Variants in SYNJ2 observed in about 807,000 individuals in gnomAD.
SYNJ2 encodes synaptojanin 2, also known as polyphosphatidylinositol phosphatase SYNJ2.
SYNJ2 carries 116 observed loss-of-function variants against 141.3 expected under a neutral mutation model. The ratio of observed to expected loss-of-function variants is 0.82; its 90% CI spans 0.71 to 0.96. The LOEUF (loss-of-function observed/expected upper bound fraction) is 0.96, where lower values mean the gene tolerates loss of function less well. SYNJ2 is among the 40% of genes least tolerant of loss of function. The pLI is 0.00. For synonymous variants in SYNJ2, 745 were observed against 777.7 expected (o/e 0.96, Z 0.70); for missense variants, 1,873 against 1,934.8 (o/e 0.97, Z 0.60).
Position 158,074,650 on chromosome 6 carries a change from A to C in SYNJ2, c.2204A>C (p.Tyr735Ser), listed in dbSNP as rs759711239. ...TTCAACTACCGCATTGATCTTACTT[A>C]TGAAGAAGTCTTCTATTTTGTTAAA... Reference protein sequence around the residue: ...GDFNYRIDLTYEEVFYFVKRQ... With the variant: ...GDFNYRIDLTSEEVFYFVKRQ... The change falls in exon 16 of 27, where the codon TAT becomes TCT. Residue 735 changes from tyrosine to serine, a missense_variant. Coordinates refer to ENST00000355585, the MANE Select transcript of SYNJ2 (RefSeq NM_003898.4). 1.9e-6 allele frequency: 3 copies of C among 1,614,158 alleles called. No individual in the cohort carries two copies. The South Asian group carries it at 3.3e-5, about 18-fold the overall frequency.
intron 1 of SYNJ2, among the ~76,000 whole-genome samples, chr6:158,009,734 G>A (rs1012312598): frequency 2.0e-5 from 3 of 152,210 alleles, no homozygotes; most frequent in African/African-American, 4.8e-5. Flanking sequence ...AGTCTGCAGA[G>A]GTGTGCTTCC....
chr6:158,063,608 G>A (rs533757592), intron 8 of SYNJ2, among the ~76,000 whole-genome samples, 183 bp from the exon 9 acceptor site: 3 of 132,828 alleles, frequency 2.3e-5, no homozygotes, highest in Admixed American at 8.6e-5. Context: ...GCAGTGAGCC[G>A]AGATCATGCC....
chr6:158,063,619 A>G (rs1781359658), intron 8 of SYNJ2, among the ~76,000 whole-genome samples, 172 bp from the exon 9 acceptor site: 2 of 127,766 alleles, frequency 1.6e-5, no homozygotes, highest in African/African-American at 5.9e-5. Flanking sequence ...AGATCATGCC[A>G]TTGCACTCCA....
chr6:158,028,957 G>A lies in SYNJ2; in HGVS notation c.416G>A (p.Arg139His), dbSNP rs142094400. The A allele has an allele frequency of 3.6e-5, 58 of 1,613,968 alleles. No homozygotes were observed. Among genetic ancestry groups the A allele is most frequent in the African/African-American group, 3.3e-4 (25 of 74,864 alleles). ...FYFSWPNDGS[R>H]FDLTVRTQKQ... is the part of the protein sequence containing the mutation. ...TTCTCATGGCCAAACGATGGGTCTC[G>A]CTTTGACCTGACTGTCCGCACGCAG... Residue 139 changes from arginine (R) to histidine (H), a missense_variant, in exon 3 of 27, where the codon CGC (arginine) becomes CAC (histidine). Arg to His is a conservative substitution (Grantham distance 29). Transcript: ENST00000355585.
chr6:158,004,940 C>G, intron 1 of SYNJ2, among the ~76,000 whole-genome samples: 1 of 152,084 alleles, frequency 6.6e-6, no homozygotes, highest in East Asian at 1.9e-4. Flanking sequence ...CCCCTCTCCT[C>G]CAGTGAGTGA....
Position 158,095,737 on chromosome 6 carries a change from A to AC in SYNJ2, c.3866dup (p.Arg1290LysfsTer74). ...CCCCTCGAGTCCCTCCTGTTCCCAAACCAAGAACATTTCAGCCTGGGAAAG... is the reference window on the plus strand; with the variant it reads ...CCCCTCGAGTCCCTCCTGTTCCCAAACCCAAGAACATTTCAGCCTGGGAAAG... On this transcript the variant is annotated frameshift_variant, in exon 27 of 27. Coordinates refer to ENST00000355585, the MANE Select transcript of SYNJ2 (RefSeq NM_003898.4). LOFTEE classifies it low-confidence loss of function (END_TRUNC). 6.2e-7 allele frequency: 1 copy of AC among 1,614,032 alleles called. No homozygotes were observed. Among genetic ancestry groups the AC allele is most frequent in the Non-Finnish European group, 8.5e-7 (1 of 1,179,982 alleles).
rs868405074 is a variant in SYNJ2 at position 158,028,764 on chromosome 6, T to C, written c.223T>C (p.Ser75Pro). Reference sequence around the variant, plus strand: ...TCTGATTTCCTTTCCAGGTGGCACGTCTCTGAGCTTCCTGGTGTTGGTGAC... The same window carrying C: ...TCTGATTTCCTTTCCAGGTGGCACGCCTCTGAGCTTCCTGGTGTTGGTGAC... ...GELRLKSGGT[S>P]LSFLVLVTGC... is the part of the protein sequence containing the mutation. Residue 75 changes from serine (S) to proline (P), a missense_variant, in exon 3 of 27, where the codon TCT (serine) becomes CCT (proline). Physicochemically the swap from Ser to Pro is moderately conservative, Grantham distance 74 (BLOSUM62 -1). Transcript: ENST00000355585. 5.0e-6 allele frequency: 8 copies of C among 1,614,074 alleles called. No homozygotes were observed. The highest frequency in any genetic ancestry group is 5.1e-6 in the Non-Finnish European group (6 of 1,179,962).
intron 22 of SYNJ2, 42 bp from the exon 23 acceptor site, chr6:158,086,813 G>A (rs1282412376): frequency 6.2e-7 from 1 of 1,605,354 alleles, no homozygotes; most frequent in East Asian, 2.2e-5. Context: ...ACGCTCACGT[G>A]TGGAACAGAC....
chr6:158,053,899 C>T (rs1251332363), intron 5 of SYNJ2, among the ~76,000 whole-genome samples: 1 of 149,570 alleles, frequency 6.7e-6, no homozygotes, highest in Non-Finnish European at 1.5e-5. Flanking sequence ...GATGCATCCA[C>T]TGATCCATCC....
At chr6:158,086,754 C>A in intron 22 of SYNJ2, 101 bp from the exon 23 acceptor site, 1 of 1,366,498 alleles carries the variant, frequency 7.3e-7, no homozygotes, top group Non-Finnish European at 9.9e-7. Context: ...TGTCCTACAG[C>A]AGGTCCCCCT....
At chr6:158,068,810 G>A (rs1422327077) in intron 13 of SYNJ2, 82 bp downstream of exon 13, 50 of 1,480,708 alleles carry the variant, frequency 3.4e-5, no homozygotes, top group African/African-American at 1.1e-4. Flanking sequence ...GAGGCTCTCC[G>A]GGAGCCAGCC....
chr6:158,011,294 C>G (rs772548591), intron 1 of SYNJ2, among the ~76,000 whole-genome samples: 2 of 152,116 alleles, frequency 1.3e-5, no homozygotes, highest in African/African-American at 4.8e-5. Flanking sequence ...ATCAGAGGAG[C>G]CCTGCTGATG....
chr6:158,068,497 G>A, intron 12 of SYNJ2, 150 bp from the exon 13 acceptor site: 1 of 774,230 alleles, frequency 1.3e-6, no homozygotes, highest in African/African-American at 1.7e-5. Context: ...AGATTCCACT[G>A]GGGCAGTTCC....
chr6:158,086,778 TC>T (rs1164692645), intron 22 of SYNJ2, 76 bp from the exon 23 acceptor site: 2 of 1,313,138 alleles, frequency 1.5e-6, no homozygotes, highest in Non-Finnish European at 2.0e-6. Context: ...ACAGTCGGCC[TC>T]CTGTGCTCAG....
At chr6:158,082,628 C>T (rs1435013382) in intron 20 of SYNJ2, among the ~76,000 whole-genome samples, 1 of 152,154 alleles carries the variant, frequency 6.6e-6, no homozygotes. Context: ...TGCCACTGCA[C>T]TCCAGCCTGG....
intron 3 of SYNJ2, chr6:158,030,789 G>A (rs1779321245): frequency 6.6e-6 from 1 of 152,296 alleles, no homozygotes; most frequent in African/African-American, 2.4e-5. Context: ...CAGCTACATG[G>A]GAGGCTGAGG....
At position 158,043,869 on chromosome 6, in the gene SYNJ2, A is replaced by T. The variant is rs1028852867; in HGVS notation, c.795+470A>T. On this transcript the variant is annotated intron_variant, in intron 5 of 26. Coordinates refer to ENST00000355585, the MANE Select transcript of SYNJ2 (RefSeq NM_003898.4). This position sits in a 1 kb window ranked among gnomAD's most constrained non-coding sequence, Gnocchi z 4.0. ...GTGAGACTTCCACAGCTTTCCCGTG[A>T]TTTCTAAAAATACCCCTTGCCGTCC... is the stretch of plus-strand genomic sequence containing the variant. 1.3e-5 allele frequency among the ~76,000 whole-genome samples: 2 copies of T among 152,146 alleles called. No individual in the cohort carries two copies. Among genetic ancestry groups the T allele is most frequent in the African/African-American group, 4.8e-5 (2 of 41,428 alleles).
At chr6:158,001,084 C>G (rs1777833747) in intron 1 of SYNJ2, 1 of 149,930 alleles carries the variant, frequency 6.7e-6, no homozygotes, top group African/African-American at 2.6e-5. Context: ...GTTCCCTCTC[C>G]TGCACACCTG....
rs368982393 is a variant in SYNJ2, at chr6:158,068,609, C to T, written c.1718-38C>T. ...CATGAACTCGTAATGCGGGACTTGG[C>T]GGTTCTGACTTCTGTCATCTCTTGC... On this transcript the variant is annotated intron_variant, in intron 12 of 26. Transcript: ENST00000355585. The T allele has an allele frequency of 9.3e-5, 150 of 1,611,434 alleles. 1 individual carries two copies. The African/African-American group carries it at 1.7e-3, about 18-fold the overall frequency.
Sources: gnomAD v4.1 joint callset for allele counts (sites outside exome capture counted in the v4.1 genomes callset) on GRCh38, gnomAD v4.1.1 for gene constraint, Gnocchi (gnomAD v3.1) non-coding constraint, MANE v1.5 for transcripts, NCBI Gene and HGNC (gene_info 2026-07-23, HGNC 2026-07-21) for gene names.